NTNG1: variants seen among roughly 807,000 people sequenced by gnomAD.
NTNG1 encodes netrin G1.
Under a neutral mutation model 54.0 loss-of-function variants are expected in NTNG1, and 16 were observed. The ratio of observed to expected loss-of-function variants is 0.30; its 90% CI spans 0.20 to 0.45. The LOEUF (loss-of-function observed/expected upper bound fraction) is 0.45. Among genes scored for constraint, NTNG1 ranks in the 20% least tolerant of loss-of-function variants. The pLI is 1.00. For synonymous variants in NTNG1, 255 were observed against 263.1 expected (o/e 0.97, Z 0.30); for missense variants, 530 against 678.7 (o/e 0.78, Z 2.43).
chr1:107,417,450 G>A (rs1051301161), intron 5 of NTNG1, among the ~76,000 whole-genome samples: 1 of 152,204 alleles, frequency 6.6e-6, no homozygotes, highest in South Asian at 2.1e-4. Flanking sequence ...CAGTAGCATA[G>A]CCACTTGGTA....
chr1:107,149,544 A>G (rs745857095), intron 2 of NTNG1, among the ~76,000 whole-genome samples: 3 of 152,150 alleles, frequency 2.0e-5, no homozygotes, highest in African/African-American at 4.8e-5. Context: ...CTTTTTTTTG[A>G]TGAGCAAAGT....
intron 2 of NTNG1, among the ~76,000 whole-genome samples, chr1:107,285,374 T>G (rs773690191): frequency 2.6e-5 from 4 of 152,140 alleles, no homozygotes; most frequent in Non-Finnish European, 1.5e-5. Context: ...CTAATGTACC[T>G]TTTTATAAAA....
At chr1:107,378,402 G>A (rs539097708) in intron 3 of NTNG1, among the ~76,000 whole-genome samples, 2 of 152,236 alleles carry the variant, frequency 1.3e-5, no homozygotes, top group African/African-American at 4.8e-5. Flanking sequence ...CAAGTGACCG[G>A]AATGTAAAAA....
At chr1:107,168,164 G>GC (rs5776881) in intron 2 of NTNG1, among the ~76,000 whole-genome samples, 2,398 of 151,736 alleles carry the variant, frequency 0.016, 71 homozygotes, top group African/African-American at 0.054. Context: ...CTCCCTCCCC[G>GC]CATCCCCCTT....
chr1:107,311,957 C>T (rs1380541471), intron 2 of NTNG1, among the ~76,000 whole-genome samples: 3 of 152,114 alleles, frequency 2.0e-5, no homozygotes, highest in Non-Finnish European at 4.4e-5. Context: ...CTTGAAGAAT[C>T]TTACATGCTA....
chr1:107,415,518 C>T lies in NTNG1; in HGVS notation c.1087+7810C>T, dbSNP rs192275670. Among the ~76,000 whole-genome samples, 396 of 152,112 alleles carry T rather than the reference C, an allele frequency of 2.6e-3. 2 individuals are homozygous for T. Among genetic ancestry groups the T allele is most frequent in the Middle Eastern group, 0.02 (6 of 294 alleles). On this transcript the variant is annotated intron_variant, in intron 5 of 7. Transcript: ENST00000370068. Reference sequence around the variant, plus strand: ...TTTTACAGATAAGGAAAGTAAAATCCGGAGAAATTAACAGCCAGATAGCTC... The same window carrying T: ...TTTTACAGATAAGGAAAGTAAAATCTGGAGAAATTAACAGCCAGATAGCTC...
At chr1:107,261,471 T>C (rs1282158875) in intron 2 of NTNG1, among the ~76,000 whole-genome samples, 1 of 152,126 alleles carries the variant, frequency 6.6e-6, no homozygotes, top group Non-Finnish European at 1.5e-5. Flanking sequence ...AAAAAGCTCT[T>C]CAGAAGATTT....
intron 2 of NTNG1, among the ~76,000 whole-genome samples, chr1:107,261,537 A>G (rs1663325262): frequency 6.6e-6 from 1 of 152,120 alleles, no homozygotes; most frequent in Non-Finnish European, 1.5e-5. Context: ...TAGAAGATAA[A>G]TTTGCTATTT....
chr1:107,404,900 C>A (rs1212916978), intron 4 of NTNG1, among the ~76,000 whole-genome samples: 1 of 152,158 alleles, frequency 6.6e-6, no homozygotes, highest in Non-Finnish European at 1.5e-5. Flanking sequence ...AAACTGCCAA[C>A]ATGTGCCTAG....
chr1:107,220,934 T>A (rs1050216889), intron 2 of NTNG1, among the ~76,000 whole-genome samples: 3 of 152,202 alleles, frequency 2.0e-5, no homozygotes, highest in Non-Finnish European at 4.4e-5. Context: ...CCAATCATTT[T>A]TTTTTTACTT....
At chr1:107,374,217 T>G (rs1026495155) in intron 3 of NTNG1, among the ~76,000 whole-genome samples, 2 of 152,174 alleles carry the variant, frequency 1.3e-5, no homozygotes, top group African/African-American at 2.4e-5. Context: ...AAGATGTGCT[T>G]GGTGTAATTT....
intron 2 of NTNG1, among the ~76,000 whole-genome samples, chr1:107,172,203 G>T (rs1431462008): frequency 1.3e-5 from 2 of 152,038 alleles, no homozygotes; most frequent in African/African-American, 2.4e-5. Context: ...GAGACTCAGA[G>T]AGCTCAAAGG....
intron 2 of NTNG1, among the ~76,000 whole-genome samples, chr1:107,226,713 A>T (rs1660713531): frequency 6.6e-6 from 1 of 152,120 alleles, no homozygotes; most frequent in Non-Finnish European, 1.5e-5. Context: ...TCCCTACAGA[A>T]GGATTCCCTC....
chr1:107,294,483 C>G (rs1665820352), intron 2 of NTNG1, among the ~76,000 whole-genome samples: 1 of 152,184 alleles, frequency 6.6e-6, no homozygotes, highest in Non-Finnish European at 1.5e-5. Flanking sequence ...CAAATTACCT[C>G]CTTCCTTTTT....
At chr1:107,425,728 T>C (rs1674866265) in intron 5 of NTNG1, among the ~76,000 whole-genome samples, 1 of 152,142 alleles carries the variant, frequency 6.6e-6, no homozygotes, top group Admixed American at 6.6e-5. Context: ...ATGACAGTTC[T>C]ATTTTTAGTT....
At chr1:107,286,163 C>T (rs997311053) in intron 2 of NTNG1, among the ~76,000 whole-genome samples, 3 of 152,192 alleles carry the variant, frequency 2.0e-5, no homozygotes, top group African/African-American at 7.2e-5. Context: ...AACTCTAATT[C>T]CGTAATTATC....
chr1:107,404,912 C>T (rs1006857273), intron 4 of NTNG1, among the ~76,000 whole-genome samples: 4 of 152,154 alleles, frequency 2.6e-5, no homozygotes, highest in African/African-American at 9.6e-5. Flanking sequence ...TGTGCCTAGA[C>T]AGTTTTCCTA....
Position 107,395,381 on chromosome 1 carries a change from C to T in NTNG1, c.1060+55C>T. 4.1e-6 allele frequency: 6 copies of T among 1,476,820 alleles called. No homozygotes were observed. In the South Asian group the frequency reaches 5.7e-5, roughly 14 times the overall value. 91.5% of individuals were successfully genotyped at this position (1,476,820 alleles called of 1,614,324 possible). ...TCTGTGCACCATGAGGTGATAGTTC[C>T]TCTCAATTTTGCTTACAATTGTGAT... On this transcript the variant is annotated intron_variant, in intron 4 of 7. Coordinates refer to ENST00000370068, the MANE Select transcript of NTNG1 (RefSeq NM_001113226.3).
intron 2 of NTNG1, among the ~76,000 whole-genome samples, chr1:107,187,100 G>A (rs988954664): frequency 1.3e-5 from 2 of 152,006 alleles, no homozygotes; most frequent in African/African-American, 4.8e-5. Context: ...TCTAGAGAGA[G>A]GCTTGCCCCT....
Sources: gnomAD v4.1 joint callset for allele counts (sites outside exome capture counted in the v4.1 genomes callset) on GRCh38, gnomAD v4.1.1 for gene constraint, MANE v1.5 for transcripts, NCBI Gene and HGNC (gene_info 2026-07-23, HGNC 2026-07-21) for gene names.